The following PKD2L2 variants were observed in gnomAD, a reference collection of about 807,000 sequenced individuals.
PKD2L2 encodes the protein polycystin 2 like 2, transient receptor potential cation channel, also known as polycystin-2-like protein 2.
In PKD2L2, 67 loss-of-function variants were observed where a neutral mutation model predicts 83.9. That is an observed-to-expected ratio of 0.80 (90% confidence interval 0.66 to 0.98). The LOEUF is 0.98. Among genes scored for constraint, PKD2L2 ranks in the 50% least tolerant of loss-of-function variants. PKD2L2 has a pLI of 0.00. For missense variants in PKD2L2, 632 were observed against 717.2 expected (o/e 0.88, Z 1.36); for synonymous variants, 223 against 237.8 (o/e 0.94, Z 0.57).
chr5:137,895,650 G>A (rs1048459739), intron 4 of PKD2L2, among the ~76,000 whole-genome samples: 2 of 152,046 alleles, frequency 1.3e-5, no homozygotes, highest in Non-Finnish European at 2.9e-5. Context: ...GGCTGAGGCA[G>A]GTGGATTATT....
rs569600489 is a variant in PKD2L2 at position 137,920,599 on chromosome 5, A to G, written c.1329-1037A>G. On this transcript the variant is annotated intron_variant, in intron 8 of 14. Transcript: ENST00000508883. ...TGGTGAAACCCCATCTCTACTAAAA[A>G]TACAAAAATTAGCTGGGCGTGGTGG... 7.9e-5 allele frequency among the ~76,000 whole-genome samples: 12 copies of G among 152,178 alleles called. No individual in the cohort carries two copies. The East Asian group carries it at 1.7e-3, about 22-fold the overall frequency.
rs58118724 is a variant in PKD2L2 at position 137,914,031 on chromosome 5, CTTTTTTTTTTTTTTTTTTTTT to C, written c.1328+5104_1328+5124del. Among the ~76,000 whole-genome samples, 140 of 42,344 alleles carry C rather than the reference CTTTTTTTTTTTTTTTTTTTTT, an allele frequency of 3.3e-3. 1 individual carries two copies. Among genetic ancestry groups the C allele is most frequent in the African/African-American group, 0.012 (126 of 10,454 alleles). The allele number at this position is 42,344 out of a possible 152,430, so 27.8% of individuals were successfully genotyped here. ...TACAGTCATGCACCACCACACTTGG[CTTTTTTTTTTTTTTTTTTTTT>C]TTTTTTTTTTTTTTTTTTGATAGAG... On this transcript the variant is annotated intron_variant, in intron 8 of 14. Transcript: ENST00000508883.
chr5:137,933,667 A>ATCTGAAC (rs1471498621), intron 12 of PKD2L2, among the ~76,000 whole-genome samples: 1 of 152,058 alleles, frequency 6.6e-6, no homozygotes. Context: ...TTAGTTCAGA[A>ATCTGAAC]TCTGAACTCT....
chr5:137,896,162 G>A (rs1239229393), intron 4 of PKD2L2, among the ~76,000 whole-genome samples: 1 of 147,378 alleles, frequency 6.8e-6, no homozygotes, highest in Non-Finnish European at 1.5e-5. Flanking sequence ...GGGCAATAAA[G>A]AGCAAAACTC....
chr5:137,921,295 A>G (rs1010239761), intron 8 of PKD2L2, among the ~76,000 whole-genome samples: 1 of 150,468 alleles, frequency 6.6e-6, no homozygotes, highest in Non-Finnish European at 1.5e-5. Context: ...TGGAAGACAG[A>G]GGTTGCAGTG....
In PKD2L2 at chr5:137,906,425, A is replaced by G. The variant is rs768869767; in HGVS notation, c.966A>G (p.Leu322=). 6.3e-7 allele frequency: 1 copy of G among 1,576,134 alleles called. No individual in the cohort carries two copies. Reference sequence around the variant, plus strand: ...GTATTTGGAACTGGCTAGAATTGCTACTTTTGCTGGTGAGTATATATTCAT... The same window carrying G: ...GTATTTGGAACTGGCTAGAATTGCTGCTTTTGCTGGTGAGTATATATTCAT... ...FKSIWNWLEL[L]LLLLCFVAVS... is the part of the protein sequence containing the mutation. The change falls in exon 6 of 15, where the codon CTA becomes CTG. Residue 322 remains leucine, a synonymous_variant. Coordinates refer to ENST00000508883, the MANE Select transcript of PKD2L2 (RefSeq NM_001300921.2).
In PKD2L2 at chr5:137,896,580, T is replaced by C. The variant is rs973669192; in HGVS notation, c.524+1971T>C. On this transcript the variant is annotated intron_variant, in intron 4 of 14. Transcript: ENST00000508883. ...GGAATACACCACCACACCTGACTAG[T>C]TTTTCATTTTTTGTAGAAACAGGGT... Among the ~76,000 whole-genome samples the C allele has an allele frequency of 3.9e-5, 6 of 152,162 alleles. No individual in the cohort carries two copies. The East Asian group carries it at 9.7e-4, about 25-fold the overall frequency.
chr5:137,919,257 G>C (rs1247239123), intron 8 of PKD2L2, among the ~76,000 whole-genome samples: 3 of 152,126 alleles, frequency 2.0e-5, no homozygotes, highest in African/African-American at 4.8e-5. Context: ...GTATGTTGAG[G>C]CGTCATGGTG....
chr5:137,901,151 A>G (rs1756924602), intron 5 of PKD2L2, among the ~76,000 whole-genome samples: 1 of 139,058 alleles, frequency 7.2e-6, no homozygotes, highest in Non-Finnish European at 1.6e-5. Context: ...AAAAAAAAAG[A>G]AAGAAAGAAA....
rs1463315218 is a variant in PKD2L2, at chr5:137,899,574, T to G, written c.583T>G (p.Tyr195Asp). 6.2e-7 allele frequency: 1 copy of G among 1,613,966 alleles called. No homozygotes were observed. Among genetic ancestry groups the G allele is most frequent in the African/African-American group, 1.3e-5 (1 of 75,050 alleles). ...SPWHWGFLGV[Y>D]RNGGYIFTLS... The stretch of plus-strand genomic sequence containing the variant: ...TTGGCACTGGGGATTTCTTGGTGTT[T>G]ACCGAAATGGGGGATACATTTTCAC... Residue 195 changes from tyrosine (Y) to aspartate (D), a missense_variant, in exon 5 of 15, where the codon TAC becomes GAC. Coordinates refer to ENST00000508883, the MANE Select transcript of PKD2L2 (RefSeq NM_001300921.2).
In PKD2L2 at chr5:137,932,736, C is replaced by A. The variant is rs1280740730; in HGVS notation, c.1672-3061C>A. 2.0e-5 allele frequency among the ~76,000 whole-genome samples: 3 copies of A among 152,242 alleles called. No individual in the cohort carries two copies. In the East Asian group the frequency reaches 5.8e-4, roughly 29 times the overall value. Reference sequence around the variant, plus strand: ...TGGGACCCAGAAGTGTTTTAGAGTTCAGATTTTTTTTGGATGTTGGAATAT... The same window carrying A: ...TGGGACCCAGAAGTGTTTTAGAGTTAAGATTTTTTTTGGATGTTGGAATAT... On this transcript the variant is annotated intron_variant, in intron 12 of 14. Coordinates refer to ENST00000508883, the MANE Select transcript of PKD2L2 (RefSeq NM_001300921.2).
At chr5:137,894,127 A>G (rs190740524) in intron 3 of PKD2L2, among the ~76,000 whole-genome samples, 5 of 152,362 alleles carry the variant, frequency 3.3e-5, no homozygotes, top group Admixed American at 6.5e-5. Context: ...ATGGGATTCC[A>G]TAAGTTAATG....
intron 8 of PKD2L2, among the ~76,000 whole-genome samples, chr5:137,910,815 A>G (rs1757773505): frequency 6.6e-6 from 1 of 150,710 alleles, no homozygotes; most frequent in African/African-American, 2.4e-5. Flanking sequence ...AAGCTGGATG[A>G]CATAGAAAAC....
intron 12 of PKD2L2, among the ~76,000 whole-genome samples, chr5:137,926,567 C>A (rs1341804241): frequency 6.6e-6 from 1 of 152,128 alleles, no homozygotes; most frequent in Admixed American, 6.5e-5. Context: ...GATCTATTTG[C>A]GTACATACAT....
chr5:137,901,766 G>A (rs894646790), intron 5 of PKD2L2, among the ~76,000 whole-genome samples: 9 of 152,254 alleles, frequency 5.9e-5, no homozygotes, highest in African/African-American at 2.2e-4. Context: ...ATAACACACA[G>A]TACTCTTTAG....
At position 137,907,763 on chromosome 5, in the gene PKD2L2, T is replaced by C; in HGVS notation, c.997T>C (p.Phe333Leu). ...LLLLCFVAVS[F>L]NTYYNVQIFL... The stretch of plus-strand genomic sequence containing the variant: ...TTAGTTGTGTTTTGTGGCTGTTTCC[T>C]TCAACACATACTATAATGTACAAAT... Residue 333 changes from phenylalanine (F) to leucine (L), a missense_variant, in exon 7 of 15, where the codon TTC (phenylalanine) becomes CTC (leucine). Physicochemically the swap from Phe to Leu is conservative, Grantham distance 22. Around this residue, in one of 3 missense-constraint regions of PKD2L2, gnomAD observed 399 missense variants for 416.9 expected, o/e 0.96. Coordinates refer to ENST00000508883, the MANE Select transcript of PKD2L2 (RefSeq NM_001300921.2). 6.5e-7 allele frequency: 1 copy of C among 1,537,616 alleles called. No individual in the cohort carries two copies.
Position 137,923,449 on chromosome 5 carries a change from C to T in PKD2L2, c.1479C>T (p.Thr493=), listed in dbSNP as rs371906461. ...LNMFLAIIND[T]YSEVKADYSI... The stretch of plus-strand genomic sequence containing the variant: ...TGTTCTTGGCAATTATTAATGATAC[C>T]TATTCTGAAGTGAAAGCTGACTATT... Residue 493 remains threonine, a synonymous_variant, in exon 10 of 15, where the codon ACC becomes ACT. Coordinates refer to ENST00000508883, the MANE Select transcript of PKD2L2 (RefSeq NM_001300921.2). The T allele has an allele frequency of 1.4e-5, 22 of 1,529,324 alleles. No homozygotes were observed. Among genetic ancestry groups the T allele is most frequent in the Middle Eastern group, 3.4e-4 (2 of 5,820 alleles). 94.7% of individuals were successfully genotyped at this position (1,529,324 alleles called of 1,614,324 possible).
At chr5:137,894,292 G>A (rs1756250729) in intron 3 of PKD2L2, 61 bp from the exon 4 acceptor site, 5 of 1,380,446 alleles carry the variant, frequency 3.6e-6, no homozygotes, top group Non-Finnish European at 4.9e-6. Flanking sequence ...ATAATGTTAT[G>A]AATGTAGATT....
At chr5:137,909,535 G>T (rs1002778993) in intron 8 of PKD2L2, among the ~76,000 whole-genome samples, 5 of 120,268 alleles carry the variant, frequency 4.2e-5, no homozygotes, top group African/African-American at 1.2e-4. Flanking sequence ...CTGGACAAAA[G>T]AAATTTTTTT....
Sources: gnomAD v4.1 joint callset for allele counts (sites outside exome capture counted in the v4.1 genomes callset) on GRCh38, gnomAD v4.1.1 for gene constraint, gnomAD v4.1.1 regional missense constraint, MANE v1.5 for transcripts, NCBI Gene and HGNC (gene_info 2026-07-23, HGNC 2026-07-21) for gene names.